The following PDE10A variants were observed in gnomAD, a reference collection of about 807,000 sequenced individuals.
PDE10A encodes the protein phosphodiesterase 10A.
A neutral mutation model predicts 97.7 loss-of-function variants in PDE10A; 39 were observed. The observed-to-expected ratio is 0.40, with a 90% CI of 0.31 to 0.52. The LOEUF is 0.52. PDE10A is among the 20% of genes least tolerant of loss of function. The pLI is 0.56. For synonymous variants in PDE10A, 371 were observed against 376.8 expected (o/e 0.98, Z 0.18); for missense variants, 731 against 1,047.8 (o/e 0.70, Z 4.17).
chr6:165,957,752 G>T (rs559818074), intron 1 of PDE10A, among the ~76,000 whole-genome samples: 1 of 152,262 alleles, frequency 6.6e-6, no homozygotes, highest in East Asian at 1.9e-4. Flanking sequence ...GCCTCTAAAA[G>T]CTTAAAATAT....
chr6:165,499,727 T>C (rs971200275), intron 2 of PDE10A, among the ~76,000 whole-genome samples: 6 of 152,224 alleles, frequency 3.9e-5, no homozygotes, highest in African/African-American at 1.4e-4. Context: ...TAATGTTCCA[T>C]TTTTGCTCAT....
chr6:165,632,317 T>G (rs1035134770), intron 1 of PDE10A, among the ~76,000 whole-genome samples: 3 of 151,274 alleles, frequency 2.0e-5, no homozygotes, highest in African/African-American at 4.9e-5. Context: ...CATAGGAAAT[T>G]AAATTCTAGT....
In PDE10A at chr6:165,776,961, T is replaced by A. The variant is rs73786707; in HGVS notation, c.-615+210568A>T. ...ATTGCACAGACACGTGCAACAAAAT[T>A]ACACATGCATGTTTGTTGTGTCATG... On this transcript the variant is annotated intron_variant, in intron 1 of 19. Coordinates refer to the PDE10A transcript ENST00000366882. Among the ~76,000 whole-genome samples, 1,214 of 152,316 alleles carry A rather than the reference T, an allele frequency of 8.0e-3. 10 individuals are homozygous for A. The highest frequency in any genetic ancestry group is 0.028 in the African/African-American group (1,150 of 41,566).
chr6:165,840,382 A>C (rs1780227600), intron 1 of PDE10A, among the ~76,000 whole-genome samples: 1 of 152,246 alleles, frequency 6.6e-6, no homozygotes, highest in Admixed American at 6.5e-5. Context: ...TTACTTAGCA[A>C]GAATTTCCTT....
intron 1 of PDE10A, among the ~76,000 whole-genome samples, chr6:165,584,494 C>A (rs1158123395): frequency 6.6e-6 from 1 of 152,134 alleles, no homozygotes; most frequent in Non-Finnish European, 1.5e-5. Context: ...TGAGCTGATC[C>A]ACCTGACTCT....
In PDE10A at chr6:165,917,641, T is replaced by G. The variant is rs561225208; in HGVS notation, c.-615+69888A>C. Among the ~76,000 whole-genome samples, 350 of 151,936 alleles carry G rather than the reference T, an allele frequency of 2.3e-3. 1 individual carries two copies. Among genetic ancestry groups the G allele is most frequent in the Non-Finnish European group, 4.3e-3 (292 of 67,950 alleles). Reference sequence around the variant, plus strand: ...AAAAGAGGACATTAACTGAATAAAGTAAAAGAAGAAAAAAAAAGGCAGCCA... The same window carrying G: ...AAAAGAGGACATTAACTGAATAAAGGAAAAGAAGAAAAAAAAAGGCAGCCA... On this transcript the variant is annotated intron_variant, in intron 1 of 19. Coordinates refer to the PDE10A transcript ENST00000366882.
intron 1 of PDE10A, among the ~76,000 whole-genome samples, chr6:165,827,979 C>T (rs1452803662): frequency 3.3e-5 from 5 of 152,212 alleles, no homozygotes; most frequent in African/African-American, 1.2e-4. Context: ...AAAACCGACT[C>T]TTCATTAACT....
intron 1 of PDE10A, among the ~76,000 whole-genome samples, chr6:165,891,058 T>C (rs897391914): frequency 1.3e-5 from 2 of 152,200 alleles, no homozygotes; most frequent in African/African-American, 4.8e-5. Context: ...AGATTGGTGG[T>C]TGAAGCCCGT....
intron 1 of PDE10A, among the ~76,000 whole-genome samples, chr6:165,956,460 G>A (rs1417060153): frequency 6.6e-6 from 1 of 152,126 alleles, no homozygotes; most frequent in Non-Finnish European, 1.5e-5. Flanking sequence ...AACTGAACAG[G>A]AATGATGAAA....
intron 5 of PDE10A, among the ~76,000 whole-genome samples, chr6:165,447,375 G>C (rs1298423870): frequency 2.0e-5 from 3 of 152,184 alleles, no homozygotes; most frequent in Non-Finnish European, 4.4e-5. Flanking sequence ...TTTTAGCAAA[G>C]AATCTGCTGG....
chr6:165,453,792 G>T (rs571374502), intron 3 of PDE10A, among the ~76,000 whole-genome samples: 1 of 152,204 alleles, frequency 6.6e-6, no homozygotes, highest in Non-Finnish European at 1.5e-5. Flanking sequence ...TACAGCAGTG[G>T]AGCCCGCACA....
intron 1 of PDE10A, among the ~76,000 whole-genome samples, chr6:165,912,182 G>A (rs894212384): frequency 1.3e-5 from 2 of 151,390 alleles, no homozygotes; most frequent in Admixed American, 6.6e-5. Flanking sequence ...TCATCTATCT[G>A]TCTATCATCT....
intron 1 of PDE10A, among the ~76,000 whole-genome samples, chr6:165,838,048 C>A (rs1175579541): frequency 6.6e-6 from 1 of 152,150 alleles, no homozygotes; most frequent in Non-Finnish European, 1.5e-5. Context: ...GAACTAGAAA[C>A]GTACAAGCTT....
At chr6:165,567,972 C>T in intron 1 of PDE10A, among the ~76,000 whole-genome samples, 1 of 147,300 alleles carries the variant, frequency 6.8e-6, no homozygotes, top group African/African-American at 2.5e-5. Context: ...GTGCCCAGCA[C>T]ACAATAGGTA....
intron 2 of PDE10A, among the ~76,000 whole-genome samples, chr6:165,496,908 A>C (rs1199254951): frequency 6.6e-6 from 1 of 152,206 alleles, no homozygotes; most frequent in African/African-American, 2.4e-5. Context: ...TTTAAGCATC[A>C]AAAGCTAAGC....
chr6:165,423,856 A>G lies in PDE10A; in HGVS notation c.1653+4802T>C, dbSNP rs539600013. ...AGAGCGAGACTATGTCTCAGGAAAAAAAAAAAAAATTACCCAGATTTGCTT... is the reference window on the plus strand; with the variant it reads ...AGAGCGAGACTATGTCTCAGGAAAAGAAAAAAAAATTACCCAGATTTGCTT... On this transcript the variant is annotated intron_variant, in intron 10 of 21. Transcript: ENST00000539869. 6.1e-4 allele frequency among the ~76,000 whole-genome samples: 93 copies of G among 151,972 alleles called. 1 individual carries two copies. Among genetic ancestry groups the G allele is most frequent in the African/African-American group, 2.1e-3 (87 of 41,462 alleles).
At chr6:165,818,029 C>T (rs535749635) in intron 1 of PDE10A, among the ~76,000 whole-genome samples, 6 of 152,318 alleles carry the variant, frequency 3.9e-5, no homozygotes, top group African/African-American at 1.4e-4. Flanking sequence ...GCTCTCATAC[C>T]TGCTCTCTGA....
At chr6:165,888,692 C>T (rs868180807) in intron 1 of PDE10A, among the ~76,000 whole-genome samples, 4 of 152,094 alleles carry the variant, frequency 2.6e-5, no homozygotes, top group South Asian at 2.1e-4. Flanking sequence ...GAACAGTGTC[C>T]GGCTCAGAGC....
chr6:165,367,515 C>A (rs1358081476), intron 18 of PDE10A, among the ~76,000 whole-genome samples: 5 of 151,914 alleles, frequency 3.3e-5, no homozygotes, highest in African/African-American at 7.3e-5. Flanking sequence ...ATGCTTGAAA[C>A]TTCTCCAAAC....
Sources: allele counts gnomAD v4.1 joint callset (sites outside exome capture counted in the v4.1 genomes callset), GRCh38; gene constraint gnomAD v4.1.1; transcripts MANE v1.5; gene names NCBI Gene and HGNC (gene_info 2026-07-23, HGNC 2026-07-21).